The following PDE4D variants were observed in gnomAD, a reference collection of about 807,000 sequenced individuals.
PDE4D encodes phosphodiesterase 4D, also known as 3',5'-cyclic-AMP phosphodiesterase 4D.
PDE4D carries 24 observed loss-of-function variants against 87.4 expected under a neutral mutation model. That is an observed-to-expected ratio of 0.27 (90% CI 0.20 to 0.39). The LOEUF (loss-of-function observed/expected upper bound fraction) is 0.39, where lower values mean the gene tolerates loss of function less well. Ranked by LOEUF, PDE4D falls within the 10% of genes least tolerant of loss-of-function variation. The pLI, the probability that PDE4D is intolerant of heterozygous loss-of-function variation, is 1.00. For synonymous variants in PDE4D, 384 were observed against 383.2 expected (o/e 1.00, Z -0.02); for missense variants, 714 against 1,041.0 (o/e 0.69, Z 4.32).
chr5:59,771,466 A>AG (rs1491441506), intron 1 of PDE4D, among the ~76,000 whole-genome samples: 12 of 76,522 alleles, frequency 1.6e-4, no homozygotes, highest in African/African-American at 7.1e-4. Context: ...AGAAAGAAAG[A>AG]AAGAAAGAAA....
chr5:59,942,693 G>T (rs1033744118), intron 3 of PDE4D, among the ~76,000 whole-genome samples: 1 of 152,078 alleles, frequency 6.6e-6, no homozygotes, highest in African/African-American at 2.4e-5. Flanking sequence ...TACTAAAAAT[G>T]ATTTTATTGG....
chr5:60,503,187 A>C (rs1750173903), intron 1 of PDE4D, among the ~76,000 whole-genome samples: 1 of 152,192 alleles, frequency 6.6e-6, no homozygotes, highest in Non-Finnish European at 1.5e-5. Context: ...AAAGAAAGTG[A>C]GGGAATCCAC....
chr5:59,702,702 C>T (rs1031764110), intron 1 of PDE4D, among the ~76,000 whole-genome samples: 7 of 151,572 alleles, frequency 4.6e-5, no homozygotes, highest in African/African-American at 1.7e-4. Flanking sequence ...AACCTCATCT[C>T]TACAAAAAAT....
intron 5 of PDE4D, among the ~76,000 whole-genome samples, chr5:59,138,322 G>A: frequency 6.6e-6 from 1 of 151,944 alleles, no homozygotes; most frequent in East Asian, 1.9e-4. Context: ...GAATCTCGCT[G>A]TGTTGCCCAG....
intron 3 of PDE4D, among the ~76,000 whole-genome samples, chr5:59,969,974 T>C (rs921569089): frequency 1.3e-5 from 2 of 152,214 alleles, no homozygotes; most frequent in African/African-American, 4.8e-5. Flanking sequence ...TGTGACTGCA[T>C]GCACACTACA....
At chr5:59,949,274 A>G (rs1423457407) in intron 3 of PDE4D, among the ~76,000 whole-genome samples, 1 of 152,092 alleles carries the variant, frequency 6.6e-6, no homozygotes, top group Non-Finnish European at 1.5e-5. Flanking sequence ...TACTAAAAAT[A>G]CAAAAATAAT....
At chr5:59,892,939 C>T (rs900501401) in intron 1 of PDE4D, among the ~76,000 whole-genome samples, 4 of 148,250 alleles carry the variant, frequency 2.7e-5, no homozygotes, top group African/African-American at 1.0e-4. Flanking sequence ...CACACACACA[C>T]GGCCCCAGTT....
chr5:59,697,204 G>A (rs1288480186), intron 1 of PDE4D, among the ~76,000 whole-genome samples: 1 of 152,168 alleles, frequency 6.6e-6, no homozygotes, highest in Non-Finnish European at 1.5e-5. Flanking sequence ...TTTACTGTGA[G>A]CCACCTAAGT....
At chr5:60,338,246 A>G (rs1457423599) in intron 1 of PDE4D, among the ~76,000 whole-genome samples, 2 of 152,156 alleles carry the variant, frequency 1.3e-5, no homozygotes, top group Non-Finnish European at 2.9e-5. Context: ...AGTAGACTCC[A>G]TTGGAAGGAC....
intron 1 of PDE4D, among the ~76,000 whole-genome samples, chr5:59,505,812 C>T (rs993441309): frequency 6.6e-6 from 1 of 152,070 alleles, no homozygotes; most frequent in Non-Finnish European, 1.5e-5. Context: ...GTCTAATAGG[C>T]CTTTATAGCT....
intron 1 of PDE4D, among the ~76,000 whole-genome samples, chr5:60,483,524 A>G (rs1748894049): frequency 6.6e-6 from 1 of 152,176 alleles, no homozygotes; most frequent in South Asian, 2.1e-4. Context: ...TGAGGAAACC[A>G]TGTATTGTTC....
chr5:60,454,879 T>C (rs1201782207), intron 1 of PDE4D, among the ~76,000 whole-genome samples: 1 of 151,356 alleles, frequency 6.6e-6, no homozygotes, highest in Non-Finnish European at 1.5e-5. Context: ...AAGCGGCACA[T>C]ACATGAGCGG....
chr5:59,018,224 A>G (rs1184536459), intron 6 of PDE4D, among the ~76,000 whole-genome samples: 1 of 152,242 alleles, frequency 6.6e-6, no homozygotes, highest in African/African-American at 2.4e-5. Flanking sequence ...AAACTATCAG[A>G]ATCACGGATA....
chr5:60,136,192 T>C (rs1780028203), intron 2 of PDE4D, among the ~76,000 whole-genome samples: 1 of 152,214 alleles, frequency 6.6e-6, no homozygotes, highest in South Asian at 2.1e-4. Context: ...TTAACTACCA[T>C]TTTTATGAGA....
chr5:60,460,282 T>C lies in PDE4D; in HGVS notation c.-90+27660A>G, dbSNP rs1583836679. On this transcript the variant is annotated intron_variant, in intron 1 of 16. Transcript: ENST00000502484. ...ACCACTCTCATTCAGATGAAATTCT[T>C]TGGATAGAAGTTTATTTTCAAAGTA... 12 of 1,052,828 alleles carry C rather than the reference T, an allele frequency of 1.1e-5. No individual in the cohort carries two copies. The East Asian group carries it at 2.6e-4, about 23-fold the overall frequency. 65.2% of individuals were successfully genotyped at this position (1,052,828 alleles called of 1,614,324 possible).
intron 1 of PDE4D, among the ~76,000 whole-genome samples, chr5:59,498,917 A>T (rs750520289): frequency 6.4e-4 from 98 of 152,250 alleles, no homozygotes; most frequent in Non-Finnish European, 1.2e-3. Context: ...TAGTTGGCCA[A>T]TTGGACCTAA....
At chr5:60,467,698 G>A (rs373695365) in intron 1 of PDE4D, among the ~76,000 whole-genome samples, 216 of 152,262 alleles carry the variant, frequency 1.4e-3, no homozygotes, top group African/African-American at 5.0e-3. Flanking sequence ...AAAGAGGTCC[G>A]ATTAACTCCC....
rs77933469 is a variant in PDE4D, at chr5:59,267,721, T to C, written c.456-51753A>G. ...AAGCAAAGAAGATTTGTATTAGATA[T>C]AAAGAAAACTTCCTAACTCTGTGGG... On this transcript the variant is annotated intron_variant, in intron 1 of 14. Transcript: ENST00000340635. 3.3e-5 allele frequency among the ~76,000 whole-genome samples: 5 copies of C among 152,232 alleles called. No homozygotes were observed. The East Asian group carries it at 9.7e-4, about 29-fold the overall frequency.
At chr5:58,984,159 GAAAC>G (rs1391570401) in intron 11 of PDE4D, among the ~76,000 whole-genome samples, 1 of 152,196 alleles carries the variant, frequency 6.6e-6, no homozygotes, top group Non-Finnish European at 1.5e-5. Flanking sequence ...AAGGACTTCA[GAAAC>G]AAACATTTCT....
Sources: gnomAD v4.1 joint callset for allele counts (sites outside exome capture counted in the v4.1 genomes callset) on GRCh38, gnomAD v4.1.1 for gene constraint, MANE v1.5 for transcripts, NCBI Gene and HGNC (gene_info 2026-07-23, HGNC 2026-07-21) for gene names.